Variants in DAAM1 observed in about 807,000 individuals in gnomAD.
DAAM1 encodes the protein dishevelled associated activator of morphogenesis 1.
DAAM1 carries 52 observed loss-of-function variants against 130.0 expected under a neutral mutation model. The ratio of observed to expected loss-of-function variants is 0.40; its 90% CI spans 0.32 to 0.50. The LOEUF (loss-of-function observed/expected upper bound fraction) is 0.50, where lower values mean the gene tolerates loss of function less well. Ranked by LOEUF, DAAM1 falls within the 20% of genes least tolerant of loss-of-function variation. The pLI, the probability that DAAM1 is intolerant of heterozygous loss-of-function variation, is 0.61. For synonymous variants in DAAM1, 452 were observed against 444.5 expected, an observed-to-expected ratio of 1.02 and a Z score of -0.21; for missense variants, 1,134 against 1,303.8, an observed-to-expected ratio of 0.87 and a Z score of 2.01.
rs775920635 is a variant in DAAM1 at position 59,355,315 on chromosome 14, C to T, written c.2507C>T (p.Thr836Ile). Residue 836 changes from threonine to isoleucine, a missense_variant, in exon 20 of 25, where the codon ACA becomes ATA. By Grantham distance (89) the Thr-to-Ile change is moderately conservative. Around this residue, in one of 3 missense-constraint regions of DAAM1, gnomAD observed 644 missense variants for 695.9 expected, o/e 0.93. Transcript: ENST00000360909. ...TCTAGCCTAAACAAAATTGCTGACA[C>T]AAAATCCAGCATCGACAAGTAAGTA... The part of the protein sequence containing the change: ...KISSLNKIAD[T>I]KSSIDKNITL... 5.6e-6 allele frequency: 9 copies of T among 1,614,040 alleles called. No individual in the cohort carries two copies. The highest frequency in any genetic ancestry group is 7.6e-6 in the Non-Finnish European group (9 of 1,179,984).
intron 24 of DAAM1, 108 bp downstream of exon 24, chr14:59,367,707 A>ATG: frequency 7.1e-7 from 1 of 1,410,842 alleles, no homozygotes; most frequent in Admixed American, 2.7e-5. Flanking sequence ...GAAGGCTTCA[A>ATG]TGTACTCTCT....
intron 16 of DAAM1, among the ~76,000 whole-genome samples, chr14:59,340,609 A>G (rs778439462): frequency 2.0e-5 from 3 of 152,174 alleles, no homozygotes; most frequent in South Asian, 2.1e-4. Flanking sequence ...ATATGATTTC[A>G]TGTTCTTTTT....
At chr14:59,288,912 T>TG (rs1883589882) in intron 2 of DAAM1, among the ~76,000 whole-genome samples, 1 of 150,186 alleles carries the variant, frequency 6.7e-6, no homozygotes, top group African/African-American at 2.4e-5. Context: ...TTTGTTTGTT[T>TG]TTTTGTTGTT....
At chr14:59,234,022 T>C (rs1464937096) in intron 1 of DAAM1, among the ~76,000 whole-genome samples, 1 of 152,240 alleles carries the variant, frequency 6.6e-6, no homozygotes, top group African/African-American at 2.4e-5. Flanking sequence ...TGTGCTGTTT[T>C]GGTTACTGTA....
chr14:59,320,391 A>G lies in DAAM1; in HGVS notation c.346-99A>G, dbSNP rs1210088876. On this transcript the variant is annotated intron_variant, in intron 4 of 24. Transcript: ENST00000360909. ...ACTTAATCATAGATTTGTTGTTTAT[A>G]TTTAAAGTGATAGTGACAAATAATC... 8.8e-6 allele frequency: 8 copies of G among 913,266 alleles called. No homozygotes were observed. The African/African-American group carries it at 1.4e-4, about 16-fold the overall frequency. 56.6% of individuals were successfully genotyped at this position (913,266 alleles called of 1,614,324 possible).
At chr14:59,334,628 G>A (rs1356473306) in intron 15 of DAAM1, among the ~76,000 whole-genome samples, 14 of 152,064 alleles carry the variant, frequency 9.2e-5, no homozygotes, top group East Asian at 1.9e-4. Flanking sequence ...CAGTAGTGTC[G>A]GATTAGTATA....
intron 3 of DAAM1, among the ~76,000 whole-genome samples, chr14:59,308,551 T>C (rs562974723): frequency 5.7e-4 from 87 of 152,188 alleles, no homozygotes; most frequent in African/African-American, 2.0e-3. Context: ...TTCCAGAAGA[T>C]TGTGGACCTC....
At chr14:59,225,019 G>GGTTTTTTTTTTTTTTTTTTTT (rs1566656869) in intron 1 of DAAM1, among the ~76,000 whole-genome samples, 1 of 90,782 alleles carries the variant, frequency 1.1e-5, no homozygotes. Context: ...ATCTGTGTGG[G>GGTTTTTTTTTTTTTTTTTTTT]TTTTTTTTTT....
At chr14:59,312,533 G>C (rs1455437844) in intron 3 of DAAM1, among the ~76,000 whole-genome samples, 1 of 152,194 alleles carries the variant, frequency 6.6e-6, no homozygotes, top group African/African-American at 2.4e-5. Context: ...TGATAGTGAA[G>C]TCCCAGATAT....
rs150706110 is a variant in DAAM1, at chr14:59,336,712, A to G, written c.1969-3362A>G. Among the ~76,000 whole-genome samples the G allele has an allele frequency of 1.8e-3, 268 of 152,282 alleles. 1 individual carries two copies. The highest frequency in any genetic ancestry group is 3.0e-3 in the Non-Finnish European group (205 of 68,020). ...TGCTGATGGTGGTCACAAATTGGAG[A>G]TCTTGACCAGCTGTTTTTTCAGCTC... On this transcript the variant is annotated intron_variant, in intron 15 of 24. Transcript: ENST00000360909.
chr14:59,357,694 C>T (rs749710276), intron 20 of DAAM1, among the ~76,000 whole-genome samples: 14 of 152,258 alleles, frequency 9.2e-5, no homozygotes, highest in South Asian at 6.2e-4. Flanking sequence ...AGGAGAATCG[C>T]TTGAACCCAG....
chr14:59,200,061 T>A (rs1888051871), intron 1 of DAAM1, among the ~76,000 whole-genome samples: 1 of 152,162 alleles, frequency 6.6e-6, no homozygotes, highest in Non-Finnish European at 1.5e-5. Context: ...ATTTGGGCAG[T>A]TGGTTAGAGC....
Position 59,350,523 on chromosome 14 carries a change from A to G in DAAM1, c.2161-2003A>G, listed in dbSNP as rs1238047671. Among the ~76,000 whole-genome samples, 4 of 151,692 alleles carry G rather than the reference A, an allele frequency of 2.6e-5. No individual in the cohort carries two copies. The East Asian group carries it at 7.7e-4, about 29-fold the overall frequency. On this transcript the variant is annotated intron_variant, in intron 17 of 24. Transcript: ENST00000360909. Reference sequence around the variant, plus strand: ...CTCTCAAGACTCCACATCCCCATCTAGCTACTGTCTTCTCTCTGATGCAGC... The same window carrying G: ...CTCTCAAGACTCCACATCCCCATCTGGCTACTGTCTTCTCTCTGATGCAGC...
intron 24 of DAAM1, 123 bp downstream of exon 24, chr14:59,367,722 T>C: frequency 7.6e-7 from 1 of 1,315,548 alleles, no homozygotes; most frequent in Non-Finnish European, 9.9e-7. Context: ...CTCTCTAGAA[T>C]GCTGTGGGAC....
Position 59,331,905 on chromosome 14 carries a change from C to G in DAAM1, c.1953C>G (p.Ala651=). 6.2e-7 allele frequency: 1 copy of G among 1,613,924 alleles called. No individual in the cohort carries two copies. Among genetic ancestry groups the G allele is most frequent in the Non-Finnish European group, 8.5e-7 (1 of 1,179,934 alleles). The change falls in exon 15 of 25, where the codon GCC becomes GCG. Residue 651 remains alanine, a synonymous_variant. Transcript: ENST00000360909. ...DLEDLERTFS[A]YQRQQKEADA... is the part of the protein sequence containing the mutation. Reference sequence around the variant, plus strand: ...AAGACCTGGAAAGAACCTTCTCTGCCTATCAAAGACAGCAGGTAACAGCAT... The same window carrying G: ...AAGACCTGGAAAGAACCTTCTCTGCGTATCAAAGACAGCAGGTAACAGCAT...
chr14:59,363,063 A>G (rs1475018569), intron 22 of DAAM1: 1 of 152,552 alleles, frequency 6.6e-6, no homozygotes, highest in African/African-American at 2.4e-5. Flanking sequence ...TGCTGTGATA[A>G]TGGAAATATG....
chr14:59,294,813 G>T (rs1328012915), intron 3 of DAAM1, among the ~76,000 whole-genome samples: 1 of 152,142 alleles, frequency 6.6e-6, no homozygotes, highest in Admixed American at 6.5e-5. Context: ...CCACAAAAAG[G>T]CGTCTGGCCA....
chr14:59,232,215 G>A (rs939122297), intron 1 of DAAM1, among the ~76,000 whole-genome samples: 1 of 152,146 alleles, frequency 6.6e-6, no homozygotes, highest in Non-Finnish European at 1.5e-5. Context: ...TTTACCATGA[G>A]GAGAGCTTGT....
intron 3 of DAAM1, among the ~76,000 whole-genome samples, chr14:59,297,382 TG>T (rs2139576032): frequency 6.6e-6 from 1 of 152,358 alleles, no homozygotes; most frequent in South Asian, 2.1e-4. Flanking sequence ...AGAGGAATTA[TG>T]TGCGAGAATG....
Sources: gnomAD v4.1 joint callset for allele counts (sites outside exome capture counted in the v4.1 genomes callset) on GRCh38, gnomAD v4.1.1 for gene constraint, gnomAD v4.1.1 regional missense constraint, MANE v1.5 for transcripts, NCBI Gene and HGNC (gene_info 2026-07-23, HGNC 2026-07-21) for gene names.